The following RB1 variants were observed in gnomAD, a reference collection of about 807,000 sequenced individuals.
RB1 encodes the protein retinoblastoma-associated protein.
RB1 carries 18 observed loss-of-function variants against 135.4 expected under a neutral mutation model. The observed-to-expected ratio is 0.13, with a 90% CI of 0.09 to 0.20. The LOEUF is 0.20. Among genes scored for constraint, RB1 ranks in the 10% least tolerant of loss-of-function variants. RB1 has a pLI of 1.00. For synonymous variants in RB1, 365 were observed against 373.2 expected, an observed-to-expected ratio of 0.98 and a Z score of 0.25; for missense variants, 868 against 1,110.0, an observed-to-expected ratio of 0.78 and a Z score of 3.10.
intron 17 of RB1, among the ~76,000 whole-genome samples, chr13:48,408,459 C>T (rs868558927): frequency 4.6e-5 from 7 of 151,982 alleles, no homozygotes; most frequent in Middle Eastern, 6.8e-3. Flanking sequence ...AATCATCTAC[C>T]GTTTTATGAA....
chr13:48,374,776 T>G (rs530761956), intron 12 of RB1, among the ~76,000 whole-genome samples: 1 of 152,174 alleles, frequency 6.6e-6, no homozygotes, highest in Non-Finnish European at 1.5e-5. Context: ...ATTTAAAAAA[T>G]TCTGCCTCAA....
chr13:48,368,663 T>C, intron 11 of RB1, 59 bp downstream of exon 11: 1 of 1,576,700 alleles, frequency 6.3e-7, no homozygotes, highest in Non-Finnish European at 8.6e-7. Context: ...CTTTATAGTG[T>C]TTCAGATTTG....
intron 17 of RB1, chr13:48,412,344 ACCATGCTGAACATGCAC>A: frequency 6.2e-7 from 1 of 1,613,542 alleles, no homozygotes. Context: ...AAGCACAAAC[ACCATGCTGAACATGCAC>A]CCATACAAAG....
chr13:48,328,484 C>A (rs538668787), intron 2 of RB1: 5 of 843,040 alleles, frequency 5.9e-6, no homozygotes, highest in Middle Eastern at 3.4e-4. Context: ...GCGGCTGGAA[C>A]TTTCCTCTCC....
Position 48,380,260 on chromosome 13 carries a change from A to C in RB1, c.1498+19A>C. On this transcript the variant is annotated intron_variant, in intron 16 of 26. Coordinates refer to ENST00000267163, the MANE Select transcript of RB1 (RefSeq NM_000321.3). ...TATAGCAGTAAGTTAAATTTTCATA[A>C]ATAAACACTTTTGTTCAATTTAAAG... The C allele has an allele frequency of 1.3e-6, 2 of 1,534,946 alleles. No individual in the cohort carries two copies. Among genetic ancestry groups the C allele is most frequent in the Non-Finnish European group, 1.8e-6 (2 of 1,111,230 alleles).
chr13:48,321,424 T>G (rs1952239878), intron 2 of RB1, among the ~76,000 whole-genome samples: 1 of 150,042 alleles, frequency 6.7e-6, no homozygotes, highest in Non-Finnish European at 1.5e-5. Flanking sequence ...CCCCGCACCT[T>G]TTTTTGACTT....
intron 17 of RB1, among the ~76,000 whole-genome samples, chr13:48,424,511 C>T (rs1422273065): frequency 6.6e-6 from 1 of 152,052 alleles, no homozygotes; most frequent in African/African-American, 2.4e-5. Flanking sequence ...GAAAGGAAAT[C>T]AAGAGGAGTG....
intron 24 of RB1, among the ~76,000 whole-genome samples, chr13:48,476,203 A>G (rs1430528424): frequency 6.6e-6 from 1 of 152,248 alleles, no homozygotes; most frequent in Non-Finnish European, 1.5e-5. Flanking sequence ...TTTCTATCAG[A>G]AAGTCTATAT....
chr13:48,335,777 T>A (rs1382059183), intron 2 of RB1, among the ~76,000 whole-genome samples: 1 of 152,050 alleles, frequency 6.6e-6, no homozygotes, highest in Non-Finnish European at 1.5e-5. Context: ...ACACATCAGT[T>A]ACAGATTTTA....
At chr13:48,400,655 G>T (rs910326574) in intron 17 of RB1, among the ~76,000 whole-genome samples, 5 of 152,214 alleles carry the variant, frequency 3.3e-5, no homozygotes, top group African/African-American at 1.2e-4. Flanking sequence ...GAGGTCCAGA[G>T]ATGTCATGTA....
At chr13:48,380,546 G>A (rs896114518) in intron 16 of RB1, among the ~76,000 whole-genome samples, 2 of 152,112 alleles carry the variant, frequency 1.3e-5, no homozygotes, top group African/African-American at 4.8e-5. Context: ...GAGTGCCAAA[G>A]GAGTATTCAA....
rs545934425 is a variant in RB1 at position 48,402,379 on chromosome 13, C to CTTTTTTTTTTTTT, written c.1695+20937_1695+20949dup. Among the ~76,000 whole-genome samples, 7 of 125,700 alleles carry CTTTTTTTTTTTTT rather than the reference C, an allele frequency of 5.6e-5. 1 individual carries two copies. Among genetic ancestry groups the CTTTTTTTTTTTTT allele is most frequent in the African/African-American group, 8.5e-5 (3 of 35,096 alleles). The allele number at this position is 125,700 out of a possible 152,430, so 82.5% of individuals were successfully genotyped here. On this transcript the variant is annotated intron_variant, in intron 17 of 26. Transcript: ENST00000267163. The stretch of plus-strand genomic sequence containing the variant: ...GGTAAAGAAATCCCTTGTAGAAAAC[C>CTTTTTTTTTTTTT]TTTTTTTTTTTTTAAACAGATGAGT...
chr13:48,476,814 T>C lies in RB1; in HGVS notation c.2634T>C (p.Asp878=), dbSNP rs750293921. The C allele has an allele frequency of 5.6e-6, 9 of 1,613,542 alleles. No individual in the cohort carries two copies. In the Admixed American group the frequency reaches 1.3e-4, roughly 24 times the overall value. ...AACCACTGAAAAAACTACGCTTTGA[T>C]ATTGAAGGATCAGATGAAGCAGATG... ...PPKPLKKLRF[D]IEGSDEADGS... Residue 878 remains aspartate (D), a synonymous_variant, in exon 25 of 27, where the codon GAT becomes GAC. Transcript: ENST00000267163.
chr13:48,312,414 G>T (rs547027566), intron 2 of RB1, among the ~76,000 whole-genome samples: 1 of 152,236 alleles, frequency 6.6e-6, no homozygotes, highest in Admixed American at 6.5e-5. Flanking sequence ...GAAATATAAG[G>T]AAAGGATATG....
At chr13:48,355,080 G>C (rs1189287014) in intron 6 of RB1, among the ~76,000 whole-genome samples, 1 of 151,856 alleles carries the variant, frequency 6.6e-6, no homozygotes, top group Non-Finnish European at 1.5e-5. Context: ...ATCATATCAA[G>C]TTAAAAAGCT....
chr13:48,458,239 T>C (rs2138334156), intron 19 of RB1, among the ~76,000 whole-genome samples: 1 of 152,280 alleles, frequency 6.6e-6, no homozygotes. Flanking sequence ...TCCTGGATAT[T>C]TTCAGGACAT....
At chr13:48,428,987 A>G (rs1949103767) in intron 17 of RB1, among the ~76,000 whole-genome samples, 1 of 152,212 alleles carries the variant, frequency 6.6e-6, no homozygotes, top group Admixed American at 6.5e-5. Flanking sequence ...TGGAAGCTGC[A>G]TGCTTGTGGC....
chr13:48,449,398 G>A (rs1285091947), intron 17 of RB1, among the ~76,000 whole-genome samples: 3 of 152,168 alleles, frequency 2.0e-5, no homozygotes, highest in African/African-American at 4.8e-5. Context: ...ACTGCCCAAA[G>A]TACCTGGTAT....
At chr13:48,372,385 G>A (rs1952767609) in intron 11 of RB1, among the ~76,000 whole-genome samples, 1 of 152,222 alleles carries the variant, frequency 6.6e-6, no homozygotes, top group East Asian at 1.9e-4. Context: ...ACGAGGCTGG[G>A]TGTGGTGGCT....
Sources: allele counts gnomAD v4.1 joint callset (sites outside exome capture counted in the v4.1 genomes callset), GRCh38; gene constraint gnomAD v4.1.1; transcripts MANE v1.5; gene names NCBI Gene and HGNC (gene_info 2026-07-23, HGNC 2026-07-21).